LMX1A: variants seen among roughly 807,000 people sequenced by gnomAD.
The protein encoded by LMX1A is LIM homeobox transcription factor 1-alpha.
In LMX1A, 15 loss-of-function variants were observed where a neutral mutation model predicts 49.1. The observed-to-expected ratio is 0.31, with a 90% CI of 0.20 to 0.47. The LOEUF is 0.47. LMX1A is among the 20% of genes least tolerant of loss of function. LMX1A has a pLI of 1.00. For synonymous variants in LMX1A, 167 were observed against 185.7 expected (o/e 0.90, Z 0.82); for missense variants, 372 against 475.8 (o/e 0.78, Z 2.03).
chr1:165,305,796 C>T (rs1438855646), intron 3 of LMX1A, among the ~76,000 whole-genome samples: 1 of 152,118 alleles, frequency 6.6e-6, no homozygotes. Context: ...AAAACCACAG[C>T]AGGTTAAGTA....
At chr1:165,236,245 C>A (rs1306336304) in intron 4 of LMX1A, among the ~76,000 whole-genome samples, 5 of 152,158 alleles carry the variant, frequency 3.3e-5, no homozygotes, top group African/African-American at 1.2e-4. Flanking sequence ...GAAGCCTCCG[C>A]GTGCTGGGTT....
At chr1:165,347,910 G>T (rs1310424689) in intron 3 of LMX1A, among the ~76,000 whole-genome samples, 3 of 149,818 alleles carry the variant, frequency 2.0e-5, no homozygotes, top group Non-Finnish European at 4.5e-5. Flanking sequence ...AGCTGATAAT[G>T]AAATAGTTGG....
At chr1:165,282,716 T>G (rs750821266) in intron 3 of LMX1A, among the ~76,000 whole-genome samples, 1 of 152,270 alleles carries the variant, frequency 6.6e-6, no homozygotes, top group Non-Finnish European at 1.5e-5. Flanking sequence ...GGAGTCACCT[T>G]TGGTTCCTCT....
chr1:165,229,628 T>C (rs1652169691), intron 4 of LMX1A, among the ~76,000 whole-genome samples: 2 of 152,240 alleles, frequency 1.3e-5, no homozygotes, highest in Non-Finnish European at 1.5e-5. Flanking sequence ...CACAATCATC[T>C]ATGTTTACAA....
rs1656571504 is a variant in LMX1A at position 165,355,344 on chromosome 1, G to A, written c.76+140C>T. 3.9e-6 allele frequency: 3 copies of A among 764,364 alleles called. No homozygotes were observed. Among genetic ancestry groups the A allele is most frequent in the Non-Finnish European group, 6.5e-6 (3 of 461,708 alleles). The allele number at this position is 764,364 out of a possible 1,614,324, so 47.3% of individuals were successfully genotyped here. A position where few individuals can be genotyped will look rare whatever the true frequency, so the allele number is the denominator to read the frequency against. The stretch of plus-strand genomic sequence containing the variant: ...GACGACCCACAAGCACTGACGGACA[G>A]ATAGTGATGGGGCTCAATTTAGTGT... On this transcript the variant is annotated intron_variant, in intron 2 of 8. Coordinates refer to ENST00000342310, the MANE Select transcript of LMX1A (RefSeq NM_177398.4). This position sits in a 1 kb window ranked among gnomAD's most constrained non-coding sequence, Gnocchi z 4.7.
At chr1:165,224,534 T>C (rs1651968332) in intron 4 of LMX1A, among the ~76,000 whole-genome samples, 1 of 152,218 alleles carries the variant, frequency 6.6e-6, no homozygotes, top group African/African-American at 2.4e-5. Context: ...ATCAGCATTA[T>C]AATTTTGTGT....
rs79172442 is a variant in LMX1A, at chr1:165,305,017, T to C, written c.263+48059A>G. 2.0e-3 allele frequency among the ~76,000 whole-genome samples: 305 copies of C among 152,340 alleles called. 9 individuals carry two copies. The East Asian group carries it at 0.053, about 26-fold the overall frequency. ...ACTCTACACTTACCACTTTGCATTATAAGGATCTCTATTCCTTGTCTCTTG... is the reference window on the plus strand; with the variant it reads ...ACTCTACACTTACCACTTTGCATTACAAGGATCTCTATTCCTTGTCTCTTG... On this transcript the variant is annotated intron_variant, in intron 3 of 8. Coordinates refer to ENST00000342310, the MANE Select transcript of LMX1A (RefSeq NM_177398.4).
At chr1:165,280,797 C>T (rs1315632751) in intron 3 of LMX1A, among the ~76,000 whole-genome samples, 1 of 152,106 alleles carries the variant, frequency 6.6e-6, no homozygotes, top group Non-Finnish European at 1.5e-5. Context: ...TTTATTATTA[C>T]TCAATGCAGC....
chr1:165,228,263 A>T (rs908145007), intron 4 of LMX1A, among the ~76,000 whole-genome samples: 1 of 152,192 alleles, frequency 6.6e-6, no homozygotes, highest in Non-Finnish European at 1.5e-5. Flanking sequence ...GCACCAGCTC[A>T]TACCTGACAG....
At chr1:165,324,961 A>T (rs1473043990) in intron 3 of LMX1A, among the ~76,000 whole-genome samples, 1 of 152,146 alleles carries the variant, frequency 6.6e-6, no homozygotes, top group Non-Finnish European at 1.5e-5. Context: ...TATAACAAAG[A>T]TTCACTCCAA....
chr1:165,307,251 A>C (rs1476803522), intron 3 of LMX1A, among the ~76,000 whole-genome samples: 1 of 152,196 alleles, frequency 6.6e-6, no homozygotes, highest in African/African-American at 2.4e-5. Flanking sequence ...GCGCAACTAC[A>C]ACTTTAGTGT....
intron 2 of LMX1A, among the ~76,000 whole-genome samples, chr1:165,354,734 TA>T (rs1553215644): frequency 6.6e-6 from 1 of 151,962 alleles, no homozygotes; most frequent in African/African-American, 2.4e-5. Context: ...TAAAAATAAA[TA>T]AATAAAATAA....
At chr1:165,288,979 C>A (rs1654380701) in intron 3 of LMX1A, among the ~76,000 whole-genome samples, 1 of 152,202 alleles carries the variant, frequency 6.6e-6, no homozygotes, top group South Asian at 2.1e-4. Flanking sequence ...CAGAGTGAAT[C>A]ATCAGAGCTG....
chr1:165,350,269 T>A (rs564640379), intron 3 of LMX1A, among the ~76,000 whole-genome samples: 2 of 151,962 alleles, frequency 1.3e-5, no homozygotes, highest in Non-Finnish European at 2.9e-5. Context: ...GACTATTGTC[T>A]ACAATTGAGT....
At chr1:165,277,058 T>C (rs539063648) in intron 3 of LMX1A, among the ~76,000 whole-genome samples, 1 of 152,360 alleles carries the variant, frequency 6.6e-6, no homozygotes, top group East Asian at 1.9e-4. Flanking sequence ...CGGTAGAAGC[T>C]ACATGCAGGG....
intron 4 of LMX1A, among the ~76,000 whole-genome samples, chr1:165,238,235 A>G (rs1390013290): frequency 6.6e-6 from 1 of 152,212 alleles, no homozygotes; most frequent in African/African-American, 2.4e-5. Flanking sequence ...AAGTTTTGAT[A>G]TGTACCAATT....
intron 8 of LMX1A, 140 bp from the exon 9 acceptor site, chr1:165,204,180 T>G (rs1557845902): frequency 2.4e-6 from 2 of 849,850 alleles, no homozygotes; most frequent in Non-Finnish European, 3.6e-6. Context: ...TATATTCTCT[T>G]TAGGGGGCTC....
chr1:165,222,832 CCA>C (rs930826772), intron 4 of LMX1A, among the ~76,000 whole-genome samples: 109 of 152,322 alleles, frequency 7.2e-4, no homozygotes, highest in African/African-American at 2.5e-3. Context: ...AGACTCCAGT[CCA>C]TTCCATAAAC....
intron 8 of LMX1A, among the ~76,000 whole-genome samples, chr1:165,205,619 T>G (rs1057475437): frequency 1.3e-5 from 2 of 152,210 alleles, no homozygotes; most frequent in Middle Eastern, 3.2e-3. Context: ...AGAGCACAAC[T>G]TCCCATTTAA....
Sources: gnomAD v4.1 joint callset for allele counts (sites outside exome capture counted in the v4.1 genomes callset) on GRCh38, gnomAD v4.1.1 for gene constraint, Gnocchi (gnomAD v3.1) non-coding constraint, MANE v1.5 for transcripts, NCBI Gene and HGNC (gene_info 2026-07-23, HGNC 2026-07-21) for gene names.